The following DLG2 variants were observed in gnomAD, a reference collection of about 807,000 sequenced individuals.
DLG2 encodes disks large homolog 2.
In DLG2, 45 loss-of-function variants were observed where a neutral mutation model predicts 132.5. The ratio of observed to expected loss-of-function variants is 0.34; its 90% CI spans 0.27 to 0.44. The LOEUF (loss-of-function observed/expected upper bound fraction) is 0.44. Among genes scored for constraint, DLG2 ranks in the 20% least tolerant of loss-of-function variants. The pLI is 1.00. For synonymous variants in DLG2, 424 were observed against 419.6 expected, an observed-to-expected ratio of 1.01 and a Z score of -0.13; for missense variants, 1,045 against 1,196.9, an observed-to-expected ratio of 0.87 and a Z score of 1.87.
chr11:84,559,685 T>C (rs950434806), intron 6 of DLG2, among the ~76,000 whole-genome samples: 4 of 152,296 alleles, frequency 2.6e-5, no homozygotes, highest in South Asian at 2.1e-4. Flanking sequence ...AGGCACCATA[T>C]GCTGCACTAT....
At chr11:84,651,001 T>G (rs1334321123) in intron 6 of DLG2, among the ~76,000 whole-genome samples, 3 of 151,496 alleles carry the variant, frequency 2.0e-5, no homozygotes, top group African/African-American at 7.3e-5. Flanking sequence ...AAGTGATGGA[T>G]ACTTTCAAAA....
intron 6 of DLG2, chr11:84,923,401 A>G: frequency 9.7e-7 from 1 of 1,027,818 alleles, no homozygotes; most frequent in African/African-American, 1.7e-5. Flanking sequence ...TTTTCCTTCT[A>G]GCATTTTAAA....
chr11:85,001,770 A>C (rs910190562), intron 6 of DLG2, among the ~76,000 whole-genome samples: 11 of 152,348 alleles, frequency 7.2e-5, no homozygotes, highest in African/African-American at 2.4e-4. Flanking sequence ...TTTGGGTGAT[A>C]ACGATGTGTC....
chr11:84,670,948 A>T (rs142849786), intron 6 of DLG2, among the ~76,000 whole-genome samples: 143 of 152,300 alleles, frequency 9.4e-4, no homozygotes, highest in African/African-American at 3.3e-3. Context: ...ATTAATTACC[A>T]TAAGAAAAAA....
chr11:84,614,682 A>C (rs1354025105), intron 6 of DLG2, among the ~76,000 whole-genome samples: 1 of 152,154 alleles, frequency 6.6e-6, no homozygotes, highest in Non-Finnish European at 1.5e-5. Context: ...TGATCTTTAA[A>C]ATATTTCCCT....
intron 4 of DLG2, among the ~76,000 whole-genome samples, chr11:85,195,946 T>G (rs989571941): frequency 1.3e-5 from 2 of 152,230 alleles, no homozygotes; most frequent in Non-Finnish European, 2.9e-5. Context: ...AAAAGATGTA[T>G]ACTCACTATA....
intron 3 of DLG2, among the ~76,000 whole-genome samples, chr11:85,530,700 G>A (rs1280157587): frequency 6.6e-6 from 1 of 152,074 alleles, no homozygotes; most frequent in Non-Finnish European, 1.5e-5. Context: ...TGCACCCCAG[G>A]TACTAAGACA....
At chr11:83,699,481 G>A (rs893199122) in intron 18 of DLG2, among the ~76,000 whole-genome samples, 3 of 151,588 alleles carry the variant, frequency 2.0e-5, no homozygotes, top group Non-Finnish European at 4.4e-5. Flanking sequence ...CGGATCACGA[G>A]GTCAGGAGAT....
At chr11:85,300,938 C>A (rs1360548476) in intron 3 of DLG2, among the ~76,000 whole-genome samples, 1 of 152,060 alleles carries the variant, frequency 6.6e-6, no homozygotes, top group Non-Finnish European at 1.5e-5. Flanking sequence ...CGGTGACTCA[C>A]GCCTGTAATC....
chr11:83,956,994 G>A (rs60726198), intron 14 of DLG2, among the ~76,000 whole-genome samples: 8,679 of 152,214 alleles, frequency 0.057, 574 homozygotes, highest in African/African-American at 0.16. Context: ...CTGGTGTGTC[G>A]ACTTCATTTT....
At chr11:84,322,233 A>T (rs2098408859) in intron 7 of DLG2, among the ~76,000 whole-genome samples, 1 of 152,250 alleles carries the variant, frequency 6.6e-6, no homozygotes, top group African/African-American at 2.4e-5. Context: ...TTTTGATTTT[A>T]AAAACAAAAT....
intron 15 of DLG2, among the ~76,000 whole-genome samples, chr11:83,890,190 A>G (rs1164972091): frequency 1.3e-5 from 2 of 152,184 alleles, no homozygotes; most frequent in Non-Finnish European, 2.9e-5. Context: ...AGAAATGGGA[A>G]GATTTTCGTA....
At chr11:85,393,629 A>ATG (rs35765389) in intron 3 of DLG2, among the ~76,000 whole-genome samples, 92,455 of 143,594 alleles carry the variant, frequency 0.64, 29,584 homozygotes, top group Non-Finnish European at 0.7. Flanking sequence ...TGGTATGCAT[A>ATG]TGTGTGTGTG....
At chr11:85,022,817 G>A (rs1438095212) in intron 6 of DLG2, among the ~76,000 whole-genome samples, 2 of 151,946 alleles carry the variant, frequency 1.3e-5, no homozygotes, top group Non-Finnish European at 2.9e-5. Flanking sequence ...ATAAGAACCA[G>A]GTGCAATGCA....
chr11:85,609,420 G>T (rs2080830151), intron 2 of DLG2, among the ~76,000 whole-genome samples: 1 of 152,162 alleles, frequency 6.6e-6, no homozygotes, highest in Non-Finnish European at 1.5e-5. Flanking sequence ...ATCAGAGAAA[G>T]ACCACAGCCT....
intron 15 of DLG2, among the ~76,000 whole-genome samples, chr11:83,929,478 C>T (rs4943883): frequency 0.011 from 1,675 of 152,226 alleles, 9 homozygotes; most frequent in Non-Finnish European, 0.019. Context: ...ACTCAGGCTA[C>T]TATGAAAAGA....
chr11:84,924,608 CTA>C (rs1167825692), intron 6 of DLG2, among the ~76,000 whole-genome samples: 3 of 152,154 alleles, frequency 2.0e-5, no homozygotes, highest in Non-Finnish European at 4.4e-5. Context: ...GCAGGATTTT[CTA>C]TTTCTCTCTT....
intron 17 of DLG2, among the ~76,000 whole-genome samples, chr11:83,818,160 C>T (rs2049628655): frequency 6.6e-6 from 1 of 152,150 alleles, no homozygotes; most frequent in Non-Finnish European, 1.5e-5. Flanking sequence ...TTTTCCTAGC[C>T]TAGCCCAGTG....
intron 19 of DLG2, among the ~76,000 whole-genome samples, chr11:83,561,197 G>A (rs986035369): frequency 2.6e-5 from 4 of 152,178 alleles, no homozygotes; most frequent in Admixed American, 1.3e-4. Flanking sequence ...CTCCTACCGG[G>A]CCCCACCTCC....
Sources: allele counts gnomAD v4.1 joint callset (sites outside exome capture counted in the v4.1 genomes callset), GRCh38; gene constraint gnomAD v4.1.1; transcripts MANE v1.5; gene names NCBI Gene and HGNC (gene_info 2026-07-23, HGNC 2026-07-21).